Variants in OSBPL8 observed in about 807,000 individuals in gnomAD.
The protein encoded by OSBPL8 is oxysterol binding protein like 8.
OSBPL8 carries 59 observed loss-of-function variants against 125.5 expected under a neutral mutation model. That is an observed-to-expected ratio of 0.47 (90% confidence interval 0.38 to 0.58). The LOEUF (loss-of-function observed/expected upper bound fraction) is 0.58. Among genes scored for constraint, OSBPL8 ranks in the 20% least tolerant of loss-of-function variants. OSBPL8 has a pLI of 0.00. For synonymous variants in OSBPL8, 330 were observed against 338.9 expected (o/e 0.97, Z 0.29); for missense variants, 758 against 1,047.8 (o/e 0.72, Z 3.82).
chr12:76,531,836 G>A (rs915448263), intron 1 of OSBPL8, among the ~76,000 whole-genome samples: 5 of 151,996 alleles, frequency 3.3e-5, no homozygotes, highest in African/African-American at 9.7e-5. Context: ...AGGAGATCGA[G>A]ACCATCCTGG....
intron 1 of OSBPL8, among the ~76,000 whole-genome samples, chr12:76,508,022 T>C (rs1481651637): frequency 6.7e-6 from 1 of 148,278 alleles, no homozygotes; most frequent in East Asian, 1.9e-4. Context: ...AATACAAAAA[T>C]TAGCTGGGCA....
chr12:76,433,710 C>T (rs1871120573), intron 4 of OSBPL8, among the ~76,000 whole-genome samples: 1 of 152,030 alleles, frequency 6.6e-6, no homozygotes, highest in Admixed American at 6.6e-5. Context: ...TGTGGTGGCT[C>T]ACACCTGTAA....
At chr12:76,532,228 C>CA (rs1950361646) in intron 1 of OSBPL8, among the ~76,000 whole-genome samples, 1 of 151,774 alleles carries the variant, frequency 6.6e-6, no homozygotes, top group Non-Finnish European at 1.5e-5. Flanking sequence ...TATTCACCCC[C>CA]AATTAAACTA....
At chr12:76,498,840 C>G (rs534029381) in intron 1 of OSBPL8, among the ~76,000 whole-genome samples, 1 of 151,814 alleles carries the variant, frequency 6.6e-6, no homozygotes, top group African/African-American at 2.4e-5. Context: ...TCACCTCAAC[C>G]TCCAGACTAG....
At chr12:76,538,196 A>G (rs944822065) in intron 1 of OSBPL8, among the ~76,000 whole-genome samples, 1 of 152,190 alleles carries the variant, frequency 6.6e-6, no homozygotes, top group African/African-American at 2.4e-5. Context: ...TATATTATAC[A>G]TCAATGTAGT....
intron 1 of OSBPL8, among the ~76,000 whole-genome samples, chr12:76,504,376 T>C (rs1410900536): frequency 6.6e-6 from 1 of 152,204 alleles, no homozygotes; most frequent in East Asian, 1.9e-4. Context: ...TGCTCTCCTC[T>C]GTATCATAGA....
intron 1 of OSBPL8, among the ~76,000 whole-genome samples, chr12:76,554,145 A>C (rs1303789491): frequency 6.6e-6 from 1 of 152,156 alleles, no homozygotes; most frequent in Non-Finnish European, 1.5e-5. Context: ...CCCAGTGAGA[A>C]AATGGCAACT....
chr12:76,461,407 T>A (rs1874712411), intron 2 of OSBPL8, among the ~76,000 whole-genome samples: 1 of 152,074 alleles, frequency 6.6e-6, no homozygotes. Context: ...CACCACTAAG[T>A]GAACTTGGAA....
chr12:76,430,168 C>A (rs527483924), intron 4 of OSBPL8, among the ~76,000 whole-genome samples: 1 of 152,254 alleles, frequency 6.6e-6, no homozygotes, highest in African/African-American at 2.4e-5. Context: ...AATGGACCTA[C>A]CATCTACAGA....
At chr12:76,500,932 C>T (rs1239706465) in intron 1 of OSBPL8, among the ~76,000 whole-genome samples, 3 of 152,182 alleles carry the variant, frequency 2.0e-5, no homozygotes, top group Non-Finnish European at 4.4e-5. Context: ...GACATATAAG[C>T]AGTTCAGTTA....
intron 8 of OSBPL8, among the ~76,000 whole-genome samples, chr12:76,395,162 A>C (rs1953738369): frequency 6.6e-6 from 1 of 152,194 alleles, no homozygotes; most frequent in Non-Finnish European, 1.5e-5. Context: ...GGGAAAAATA[A>C]ATCTCCACTT....
intron 12 of OSBPL8, among the ~76,000 whole-genome samples, chr12:76,388,171 G>A (rs1953399204): frequency 1.3e-5 from 2 of 152,096 alleles, no homozygotes; most frequent in South Asian, 2.1e-4. Context: ...CTGGACACTG[G>A]AGTTATATCT....
chr12:76,381,348 A>T (rs561237595), intron 15 of OSBPL8, among the ~76,000 whole-genome samples: 2 of 152,280 alleles, frequency 1.3e-5, no homozygotes, highest in South Asian at 4.1e-4. Context: ...AACTCAAGAC[A>T]TCTGGGCCTG....
At chr12:76,482,765 G>C (rs1877659892) in intron 2 of OSBPL8, among the ~76,000 whole-genome samples, 1 of 152,134 alleles carries the variant, frequency 6.6e-6, no homozygotes, top group African/African-American at 2.4e-5. Flanking sequence ...TTAATTTCTA[G>C]AGTGAAAACT....
chr12:76,397,134 A>C (rs1396298243), intron 8 of OSBPL8, among the ~76,000 whole-genome samples: 1 of 152,100 alleles, frequency 6.6e-6, no homozygotes, highest in Non-Finnish European at 1.5e-5. Context: ...CTTTGCAGTT[A>C]TAAAAAACAT....
intron 1 of OSBPL8, among the ~76,000 whole-genome samples, chr12:76,557,101 T>C (rs1951127643): frequency 6.6e-6 from 1 of 150,738 alleles, no homozygotes; most frequent in African/African-American, 2.5e-5. Flanking sequence ...TAACTTTCAA[T>C]ATAATACAAA....
intron 1 of OSBPL8, among the ~76,000 whole-genome samples, chr12:76,508,098 G>A (rs919627141): frequency 2.6e-5 from 4 of 151,658 alleles, no homozygotes; most frequent in African/African-American, 7.3e-5. Context: ...TTGAACCTGG[G>A]AGGCGGAGGT....
chr12:76,529,439 C>T (rs1950272479), intron 1 of OSBPL8, among the ~76,000 whole-genome samples: 1 of 151,592 alleles, frequency 6.6e-6, no homozygotes, highest in South Asian at 2.1e-4. Flanking sequence ...TTTTGAGCCT[C>T]TAAACCATGA....
intron 7 of OSBPL8, 62 bp from the exon 8 acceptor site, chr12:76,397,959 A>C: frequency 7.3e-7 from 1 of 1,378,832 alleles, no homozygotes; most frequent in Non-Finnish European, 1.0e-6. Flanking sequence ...AAACGAAAAT[A>C]CTGCAAATAA....
Sources: gnomAD v4.1 joint callset for allele counts (sites outside exome capture counted in the v4.1 genomes callset) on GRCh38, gnomAD v4.1.1 for gene constraint, MANE v1.5 for transcripts, NCBI Gene and HGNC (gene_info 2026-07-23, HGNC 2026-07-21) for gene names.